Variants in SPMIP2 observed in about 807,000 individuals in gnomAD.
The protein encoded by SPMIP2 is sperm microtubule inner protein 2.
At chr4:159,026,292 C>T in the SPMIP2 span, 1 of 577,422 alleles carries the variant, frequency 1.7e-6, no homozygotes, top group East Asian at 3.8e-5. Context: ...AAACTCAGAG[C>T]ACTTAGAAAA....
the SPMIP2 span, among the ~76,000 whole-genome samples, chr4:159,016,722 C>A: frequency 1.3e-5 from 2 of 152,168 alleles, no homozygotes; most frequent in Non-Finnish European, 2.9e-5. Context: ...CTTTCAATTT[C>A]GCTTTTTTGA....
the SPMIP2 span, among the ~76,000 whole-genome samples, chr4:159,076,412 ATATC>A: frequency 1.3e-5 from 2 of 152,194 alleles, no homozygotes; most frequent in Non-Finnish European, 1.5e-5. Context: ...ATTAGTTGAA[ATATC>A]TATCTATGTA....
At chr4:158,941,940 C>T in the SPMIP2 span, among the ~76,000 whole-genome samples, 1 of 151,914 alleles carries the variant, frequency 6.6e-6, no homozygotes, top group African/African-American at 2.4e-5. Flanking sequence ...GGAGGTGATA[C>T]TTGAATCATG....
chr4:158,932,106 G>A, the SPMIP2 span, among the ~76,000 whole-genome samples: 2 of 151,988 alleles, frequency 1.3e-5, no homozygotes, highest in Non-Finnish European at 1.5e-5. Flanking sequence ...CCTGGCTTCA[G>A]GTAGAAATAC....
At chr4:158,982,416 T>C in the SPMIP2 span, among the ~76,000 whole-genome samples, 8 of 152,322 alleles carry the variant, frequency 5.3e-5, no homozygotes, top group African/African-American at 1.9e-4. Flanking sequence ...ATCAATAGAA[T>C]ATACATTCTT....
chr4:158,950,116 T>C, the SPMIP2 span, among the ~76,000 whole-genome samples: 11 of 152,254 alleles, frequency 7.2e-5, no homozygotes, highest in East Asian at 5.8e-4. Context: ...TTAAGACAAA[T>C]CTATAAATCA....
chr4:158,955,000 A>C, the SPMIP2 span, among the ~76,000 whole-genome samples: 5 of 152,184 alleles, frequency 3.3e-5, no homozygotes, highest in African/African-American at 1.2e-4. Flanking sequence ...ATACATAAGG[A>C]AACACCCAAT....
chr4:158,987,136 A>T, the SPMIP2 span, among the ~76,000 whole-genome samples: 1 of 99,160 alleles, frequency 1.0e-5, no homozygotes, highest in East Asian at 3.0e-4. Context: ...GAAACAACAG[A>T]TGCTGGAGAG....
chr4:158,999,633 A>G, the SPMIP2 span, among the ~76,000 whole-genome samples: 1 of 152,212 alleles, frequency 6.6e-6, no homozygotes, highest in Non-Finnish European at 1.5e-5. Context: ...GCCCTTCTCT[A>G]CTTAAGACAC....
the SPMIP2 span, among the ~76,000 whole-genome samples, chr4:159,039,304 T>C: frequency 1.3e-5 from 2 of 152,010 alleles, no homozygotes; most frequent in East Asian, 3.8e-4. Flanking sequence ...CACCTGACTG[T>C]GTGGAGAATG....
At chr4:158,994,228 C>T in the SPMIP2 span, among the ~76,000 whole-genome samples, 1 of 152,178 alleles carries the variant, frequency 6.6e-6, no homozygotes, top group South Asian at 2.1e-4. Context: ...GGGAGATCCA[C>T]AGAAGAAATG....
chr4:159,074,699 A>G, the SPMIP2 span, among the ~76,000 whole-genome samples: 8 of 152,182 alleles, frequency 5.3e-5, no homozygotes, highest in Non-Finnish European at 1.2e-4. Context: ...TACAATCTCA[A>G]CAGAAGCAGG....
the SPMIP2 span, among the ~76,000 whole-genome samples, chr4:158,918,895 A>C: frequency 6.6e-6 from 1 of 152,248 alleles, no homozygotes. Flanking sequence ...AAACACACGC[A>C]TGCCCCACAA....
At chr4:158,992,168 A>C in the SPMIP2 span, among the ~76,000 whole-genome samples, 1 of 152,228 alleles carries the variant, frequency 6.6e-6, no homozygotes. Flanking sequence ...GATTACAGAC[A>C]TGAGCCACTG....
chr4:158,915,127 C>A, the SPMIP2 span: 5 of 1,539,970 alleles, frequency 3.2e-6, no homozygotes, highest in East Asian at 6.9e-5. Context: ...GTTAAAGCAG[C>A]CTGACTTTTT....
chr4:158,977,405 T>C, the SPMIP2 span, among the ~76,000 whole-genome samples: 1 of 152,190 alleles, frequency 6.6e-6, no homozygotes, highest in Non-Finnish European at 1.5e-5. Context: ...TATTCTCTGA[T>C]AGTAGTTTGT....
chr4:158,969,172 G>C, the SPMIP2 span, among the ~76,000 whole-genome samples: 2 of 152,040 alleles, frequency 1.3e-5, no homozygotes, highest in Non-Finnish European at 2.9e-5. Flanking sequence ...ATTTTGTCAC[G>C]AGGTCAGAGC....
At chr4:158,983,091 C>G in the SPMIP2 span, among the ~76,000 whole-genome samples, 1 of 151,734 alleles carries the variant, frequency 6.6e-6, no homozygotes, top group African/African-American at 2.4e-5. Flanking sequence ...TGAAATGAAG[C>G]GAGAAGGGAA....
the SPMIP2 span, among the ~76,000 whole-genome samples, chr4:158,930,728 C>G: frequency 2.0e-5 from 3 of 152,112 alleles, no homozygotes; most frequent in Non-Finnish European, 4.4e-5. Flanking sequence ...AACTCCTGGC[C>G]AGGCCTGGCC....
Sources: allele counts gnomAD v4.1 joint callset (sites outside exome capture counted in the v4.1 genomes callset), GRCh38; gene constraint gnomAD v4.1.1; transcripts MANE v1.5; gene names NCBI Gene and HGNC (gene_info 2026-07-23, HGNC 2026-07-21).